The following NOC3L variants were observed in gnomAD, a reference collection of about 807,000 sequenced individuals.
The protein encoded by NOC3L is nucleolar complex protein 3 homolog.
Under a neutral mutation model 102.5 loss-of-function variants are expected in NOC3L, and 85 were observed. The ratio of observed to expected loss-of-function variants is 0.83; its 90% CI spans 0.70 to 0.99. NOC3L has a LOEUF of 0.99. Ranked by LOEUF, NOC3L falls within the 50% of genes least tolerant of loss-of-function variation. The pLI is 0.00. For synonymous variants in NOC3L, 303 were observed against 309.4 expected, an observed-to-expected ratio of 0.98 and a Z score of 0.22; for missense variants, 878 against 914.9, an observed-to-expected ratio of 0.96 and a Z score of 0.52.
chr10:94,328,901 A>G (rs1374302951), downstream of NOC3L: 1 of 152,204 alleles, frequency 6.6e-6, no homozygotes, highest in African/African-American at 2.4e-5. Context: ...GTATAATTTA[A>G]TATCTACTGA....
Position 94,334,133 on chromosome 10 carries a change from GC to G in NOC3L, c.*43del, listed in dbSNP as rs755930183. On this transcript the variant is annotated 3_prime_UTR_variant, in exon 21 of 21. Transcript: ENST00000371361. ...TAACAACTCATCTTTATGTACATCT[GC>G]ACACACAAATATACAAGAAAGTCCA... 1.2e-6 allele frequency: 1 copy of G among 868,792 alleles called. No individual in the cohort carries two copies. The highest frequency in any genetic ancestry group is 2.4e-5 in the East Asian group (1 of 41,068). The allele number at this position is 868,792 out of a possible 1,614,324, so 53.8% of individuals were successfully genotyped here. A position where few individuals can be genotyped will look rare whatever the true frequency, so the allele number is the denominator to read the frequency against.
At chr10:94,358,264 G>C in intron 2 of NOC3L, 49 bp from the exon 3 acceptor site, 1 of 1,021,744 alleles carries the variant, frequency 9.8e-7, no homozygotes, top group Non-Finnish European at 1.5e-6. Context: ...ACAAGTATCA[G>C]AGATGTAGAA....
chr10:94,346,225 C>T (rs1357383645), intron 11 of NOC3L, among the ~76,000 whole-genome samples, 200 bp downstream of exon 11: 1 of 152,186 alleles, frequency 6.6e-6, no homozygotes, highest in Non-Finnish European at 1.5e-5. Flanking sequence ...TATTGCTCTC[C>T]TTGCCAATCA....
chr10:94,318,818 T>C, the NOC3L span, among the ~76,000 whole-genome samples: 1 of 152,180 alleles, frequency 6.6e-6, no homozygotes, highest in Non-Finnish European at 1.5e-5. Context: ...CCCAGCACTT[T>C]GGGAAGCCAA....
At chr10:94,356,246 T>C (rs1395206076) in intron 5 of NOC3L, among the ~76,000 whole-genome samples, 1 of 152,214 alleles carries the variant, frequency 6.6e-6, no homozygotes, top group Non-Finnish European at 1.5e-5. Context: ...GTAGTCTTTC[T>C]CTTACAATTA....
chr10:94,357,246 C>T lies in NOC3L; in HGVS notation c.436G>A (p.Glu146Lys), dbSNP rs2054497657. Residue 146 changes from glutamate (E) to lysine (K), a missense_variant, in exon 4 of 21, where the codon GAG becomes AAG. Physicochemically the swap from Glu to Lys is moderately conservative, Grantham distance 56. Transcript: ENST00000371361. ...KIPRTLQTAP[E>K]KELIHLLPIK... ...GGAAGTAAATGAATCAGTTCCTTCT[C>T]TGGTGCAGTTTGCAGAGTTCTTGGT... is the stretch of plus-strand genomic sequence containing the variant. 1 of 1,609,692 alleles carries T rather than the reference C, an allele frequency of 6.2e-7. No homozygotes were observed. The highest frequency in any genetic ancestry group is 1.7e-5 in the Admixed American group (1 of 59,520).
chr10:94,322,486 AC>A, the NOC3L span, among the ~76,000 whole-genome samples: 1 of 152,092 alleles, frequency 6.6e-6, no homozygotes, highest in African/African-American at 2.4e-5. Context: ...CCCTGTCTTT[AC>A]AAAAAGTACA....
intron 3 of NOC3L, 117 bp downstream of exon 3, chr10:94,357,966 T>C (rs763848767): frequency 1.4e-6 from 1 of 699,744 alleles, no homozygotes; most frequent in Non-Finnish European, 2.5e-6. Context: ...AATAATACTT[T>C]ATTCTTTGTA....
rs1028283985 is a variant in NOC3L at position 94,334,437 on chromosome 10, T to C, written c.2275-132A>G. On this transcript the variant is annotated intron_variant, in intron 20 of 20. Transcript: ENST00000371361. ...ACAATGACAGATGCTTGGTAAGGTCTTGGACATATCCTATATTGAACGAAC... is the reference window on the plus strand; with the variant it reads ...ACAATGACAGATGCTTGGTAAGGTCCTGGACATATCCTATATTGAACGAAC... 4 of 670,680 alleles carry C rather than the reference T, an allele frequency of 6.0e-6. No homozygotes were observed. In the African/African-American group the frequency reaches 7.2e-5, roughly 12 times the overall value. The allele number at this position is 670,680 out of a possible 1,614,324, so 41.5% of individuals were successfully genotyped here.
the NOC3L span, among the ~76,000 whole-genome samples, chr10:94,319,890 G>A: frequency 1.3e-5 from 1 of 76,676 alleles, no homozygotes; most frequent in Non-Finnish European, 2.7e-5. Context: ...TTTTTTTTGA[G>A]ATGGAGTCTG....
chr10:94,346,991 C>T (rs2054352255), intron 10 of NOC3L, among the ~76,000 whole-genome samples: 1 of 152,124 alleles, frequency 6.6e-6, no homozygotes, highest in African/African-American at 2.4e-5. Flanking sequence ...CCAGCTGATG[C>T]TGGTCTGGGG....
chr10:94,321,478 A>G, the NOC3L span, among the ~76,000 whole-genome samples: 2 of 152,206 alleles, frequency 1.3e-5, no homozygotes, highest in African/African-American at 4.8e-5. Flanking sequence ...TTAAAAATAC[A>G]AAAATTAGGC....
At chr10:94,343,798 T>TA (rs1455554109) in intron 13 of NOC3L, among the ~76,000 whole-genome samples, 1 of 152,352 alleles carries the variant, frequency 6.6e-6, no homozygotes, top group East Asian at 1.9e-4. Flanking sequence ...GTAAAATATA[T>TA]AAAAATTAAT....
At chr10:94,347,892 G>T (rs1237342197) in intron 10 of NOC3L, among the ~76,000 whole-genome samples, 2 of 151,880 alleles carry the variant, frequency 1.3e-5, no homozygotes, top group South Asian at 4.1e-4. Flanking sequence ...TTGAGGGAAG[G>T]AAGTGAAAAA....
rs1043911414 is a variant in NOC3L at position 94,339,828 on chromosome 10, C to G, written c.1873G>C (p.Ala625Pro). 1 of 1,614,062 alleles carries G rather than the reference C, an allele frequency of 6.2e-7. No homozygotes were observed. ...RKQVSQQRAL[A>P]FIKRLCTLAL... ...AGGGTACAAAGGCGTTTGATGAAGG[C>G]AAGAGCTCGCTGCTGAGAAACTTGC... Residue 625 changes from alanine to proline, a missense_variant, in exon 17 of 21, where the codon GCC becomes CCC. Coordinates refer to ENST00000371361, the MANE Select transcript of NOC3L (RefSeq NM_022451.11).
At chr10:94,324,600 A>C in the NOC3L span, 1 of 1,507,188 alleles carries the variant, frequency 6.6e-7, no homozygotes. Flanking sequence ...TCTGTTCTTA[A>C]GTTATCTGAT....
intron 8 of NOC3L, 39 bp downstream of exon 8, chr10:94,352,271 C>T (rs2054428058): frequency 7.4e-7 from 1 of 1,343,312 alleles, no homozygotes; most frequent in Admixed American, 1.7e-5. Context: ...ATGATCAAGG[C>T]TAAGTATGTT....
intron 11 of NOC3L, among the ~76,000 whole-genome samples, chr10:94,346,050 T>C (rs2054339283): frequency 6.6e-6 from 1 of 152,178 alleles, no homozygotes; most frequent in African/African-American, 2.4e-5. Context: ...AAGTTTAAAA[T>C]ACAAACCAAC....
At chr10:94,359,435 T>G (rs182026649) in intron 2 of NOC3L, among the ~76,000 whole-genome samples, 4 of 151,098 alleles carry the variant, frequency 2.6e-5, no homozygotes, top group Admixed American at 2.6e-4. Flanking sequence ...GGGCAACAAG[T>G]GTGAAACTCC....
Sources: allele counts gnomAD v4.1 joint callset (sites outside exome capture counted in the v4.1 genomes callset), GRCh38; gene constraint gnomAD v4.1.1; transcripts MANE v1.5; gene names NCBI Gene and HGNC (gene_info 2026-07-23, HGNC 2026-07-21).